ENTPD1: variants seen among roughly 807,000 people sequenced by gnomAD.
The protein encoded by ENTPD1 is ATP diphosphohydrolase.
In ENTPD1, 33 loss-of-function variants were observed where a neutral mutation model predicts 57.0. The observed-to-expected ratio is 0.58, with a 90% confidence interval of 0.44 to 0.77. ENTPD1 has a LOEUF of 0.77. Among genes scored for constraint, ENTPD1 ranks in the 30% least tolerant of loss-of-function variants. The pLI is 0.00. For synonymous variants in ENTPD1, 202 were observed against 218.8 expected, an observed-to-expected ratio of 0.92 and a Z score of 0.68; for missense variants, 501 against 603.4, an observed-to-expected ratio of 0.83 and a Z score of 1.78.
chr10:95,868,255 G>A lies in ENTPD1; in HGVS notation c.*1872G>A, dbSNP rs117256542. The A allele has an allele frequency of 2.8e-3, 2,718 of 985,448 alleles. 4 individuals carry two copies. The highest frequency in any genetic ancestry group is 4.2e-3 in the Middle Eastern group (8 of 1,916). 61.0% of individuals were successfully genotyped at this position (985,448 alleles called of 1,614,324 possible). On this transcript the variant is annotated 3_prime_UTR_variant, in exon 10 of 10. Coordinates refer to ENST00000371205, the MANE Select transcript of ENTPD1 (RefSeq NM_001776.6). ...TTTTCTTTCCCGAACATACCAGGCT[G>A]TCTCCTCATAACTTCCAAGCATGCA...
intron 1 of ENTPD1, among the ~76,000 whole-genome samples, chr10:95,732,079 G>T (rs369851085): frequency 6.6e-6 from 1 of 151,808 alleles, no homozygotes; most frequent in Non-Finnish European, 1.5e-5. Context: ...CACTGTGTCC[G>T]GCCAGAGTGG....
intron 1 of ENTPD1, among the ~76,000 whole-genome samples, chr10:95,747,540 C>G (rs112607261): frequency 2.0e-5 from 3 of 152,202 alleles, no homozygotes; most frequent in Non-Finnish European, 4.4e-5. Flanking sequence ...TTCTGTCCCC[C>G]CTATCTGGCC....
Position 95,844,574 on chromosome 10 carries a change from G to C in ENTPD1, c.512G>C (p.Gly171Ala), listed in dbSNP as rs1450904543. ...FDFQGARIIT[G>A]QEEGAYGWIT... ...TTCCAGGGTGCCAGGATCATTACTG[G>C]CCAAGAGGAAGGTGCCTATGGCTGG... Residue 171 changes from glycine (G) to alanine (A), a missense_variant, in exon 5 of 10, where the codon GGC becomes GCC. Coordinates refer to ENST00000371205, the MANE Select transcript of ENTPD1 (RefSeq NM_001776.6). The C allele has an allele frequency of 6.2e-7, 1 of 1,614,092 alleles. No individual in the cohort carries two copies. Among genetic ancestry groups the C allele is most frequent in the African/African-American group, 1.3e-5 (1 of 74,944 alleles).
At chr10:95,821,886 T>A (rs2098352899) in intron 1 of ENTPD1, among the ~76,000 whole-genome samples, 1 of 151,952 alleles carries the variant, frequency 6.6e-6, no homozygotes, top group Non-Finnish European at 1.5e-5. Flanking sequence ...TTTGGGGAGT[T>A]GAGAGAGGAG....
chr10:95,770,256 AGTGT>A (rs1555282687), intron 1 of ENTPD1, among the ~76,000 whole-genome samples: 28 of 135,004 alleles, frequency 2.1e-4, no homozygotes, highest in East Asian at 4.2e-4. Flanking sequence ...TGAGTGAGTG[AGTGT>A]GTGTGTGTGT....
chr10:95,776,689 G>C lies in ENTPD1; in HGVS notation c.16+20434G>C, dbSNP rs546640501. On this transcript the variant is annotated intron_variant, in intron 1 of 9. Coordinates refer to ENST00000371205, the MANE Select transcript of ENTPD1 (RefSeq NM_001776.6). ...ATTTGAATATTGGCCTGCCTTGCTA[G>C]GTTGAGGAAGTTCTCGTGGATAACA... is the stretch of plus-strand genomic sequence containing the variant. Among the ~76,000 whole-genome samples the C allele has an allele frequency of 5.9e-5, 9 of 152,298 alleles. No individual in the cohort carries two copies. In the East Asian group the frequency reaches 1.7e-3, roughly 29 times the overall value.
chr10:95,865,496 A>G (rs2098472624), intron 9 of ENTPD1, among the ~76,000 whole-genome samples: 1 of 152,188 alleles, frequency 6.6e-6, no homozygotes, highest in Non-Finnish European at 1.5e-5. Flanking sequence ...TTTTAAGCCC[A>G]TGCTCACTAG....
intron 8 of ENTPD1, among the ~76,000 whole-genome samples, chr10:95,864,351 C>A (rs1453876374): frequency 6.6e-6 from 1 of 152,162 alleles, no homozygotes; most frequent in Non-Finnish European, 1.5e-5. Flanking sequence ...CTTTTTATGG[C>A]TGTGGGCCAA....
chr10:95,839,216 A>C (rs1436842725), intron 2 of ENTPD1: 2 of 186,618 alleles, frequency 1.1e-5, no homozygotes, highest in East Asian at 2.8e-4. Flanking sequence ...AAAGCCCAGG[A>C]CACAATACCA....
At chr10:95,811,358 G>C (rs1055882583) in intron 1 of ENTPD1, among the ~76,000 whole-genome samples, 1 of 152,070 alleles carries the variant, frequency 6.6e-6, no homozygotes, top group Non-Finnish European at 1.5e-5. Context: ...AACCACCAGC[G>C]CACAACTTCC....
chr10:95,724,662 G>A (rs1382410267), intron 1 of ENTPD1, among the ~76,000 whole-genome samples: 1 of 152,216 alleles, frequency 6.6e-6, no homozygotes, highest in Non-Finnish European at 1.5e-5. Context: ...CACCTCGCTG[G>A]ATCAGGAGTG....
rs1199267366 is a variant in ENTPD1 at position 95,872,552 on chromosome 10, C to G, written c.*6169C>G. 1.0e-6 allele frequency: 1 copy of G among 985,106 alleles called. No homozygotes were observed. The highest frequency in any genetic ancestry group is 1.2e-6 in the Non-Finnish European group (1 of 829,776). The allele number at this position is 985,106 out of a possible 1,614,324, so 61.0% of individuals were successfully genotyped here. A position where few individuals can be genotyped will look rare whatever the true frequency, so the allele number is the denominator to read the frequency against. On this transcript the variant is annotated 3_prime_UTR_variant, in exon 10 of 10. Coordinates refer to ENST00000371205, the MANE Select transcript of ENTPD1 (RefSeq NM_001776.6). ...TCAGAATGTCTCTTCCTTGTGCTACCACAACCCTTTAACTGAGCCTCCATT... is the reference window on the plus strand; with the variant it reads ...TCAGAATGTCTCTTCCTTGTGCTACGACAACCCTTTAACTGAGCCTCCATT...
intron 7 of ENTPD1, 27 bp from the exon 8 acceptor site, chr10:95,860,442 G>T: frequency 6.3e-7 from 1 of 1,593,516 alleles, no homozygotes; most frequent in Non-Finnish European, 8.6e-7. Flanking sequence ...GTGGAACACA[G>T]CCTAAAACTG....
intron 1 of ENTPD1, among the ~76,000 whole-genome samples, chr10:95,761,869 G>C (rs2098064963): frequency 6.6e-6 from 1 of 152,146 alleles, no homozygotes; most frequent in Admixed American, 6.5e-5. Flanking sequence ...GAGGTAGCAG[G>C]GACTCAGGGC....
the ENTPD1 span, among the ~76,000 whole-genome samples, chr10:95,698,080 G>A: frequency 0.031 from 4,742 of 152,268 alleles, 97 homozygotes; most frequent in African/African-American, 0.06. Context: ...ACCAGAATAC[G>A]GATAGAAATA....
intron 1 of ENTPD1, among the ~76,000 whole-genome samples, chr10:95,788,027 T>A (rs2098187507): frequency 6.6e-6 from 1 of 152,196 alleles, no homozygotes; most frequent in Non-Finnish European, 1.5e-5. Flanking sequence ...ATTCTTGATT[T>A]TTCCTTGGAG....
At chr10:95,864,169 A>C (rs117662607) in intron 8 of ENTPD1, among the ~76,000 whole-genome samples, 5,139 of 152,324 alleles carry the variant, frequency 0.034, 118 homozygotes, top group Non-Finnish European at 0.049. Context: ...CCTCAGCAAA[A>C]TGCTGCCTAA....
intron 1 of ENTPD1, among the ~76,000 whole-genome samples, chr10:95,728,860 C>G (rs1317133843): frequency 6.6e-6 from 1 of 152,114 alleles, no homozygotes; most frequent in East Asian, 1.9e-4. Context: ...CCATTTCTCT[C>G]AACTGCAAAT....
At chr10:95,759,772 A>G (rs777486182) in intron 1 of ENTPD1, among the ~76,000 whole-genome samples, 3 of 152,198 alleles carry the variant, frequency 2.0e-5, no homozygotes, top group African/African-American at 7.2e-5. Flanking sequence ...GCTAACATTG[A>G]TCATTTATTA....
Sources: allele counts gnomAD v4.1 joint callset (sites outside exome capture counted in the v4.1 genomes callset), GRCh38; gene constraint gnomAD v4.1.1; transcripts MANE v1.5; gene names NCBI Gene and HGNC (gene_info 2026-07-23, HGNC 2026-07-21).